Variants in KANK1 observed in about 807,000 individuals in gnomAD.
KANK1 encodes KN motif and ankyrin repeat domains 1.
In KANK1, 109 loss-of-function variants were observed where a neutral mutation model predicts 106.2. That is an observed-to-expected ratio of 1.03 (90% CI 0.88 to 1.20). The LOEUF (loss-of-function observed/expected upper bound fraction) is 1.20. KANK1 is among the 50% of genes most tolerant of loss of function. KANK1 has a pLI of 0.00. For missense variants in KANK1, 2,399 were observed against 1,710.7 expected, an observed-to-expected ratio of 1.40 and a Z score of -7.10; for synonymous variants, 873 against 652.2, an observed-to-expected ratio of 1.34 and a Z score of -5.16.
intron 1 of KANK1, among the ~76,000 whole-genome samples, chr9:514,194 TCCTCCCTCCCTCTCTC>T (rs2059172056): frequency 1.3e-4 from 4 of 30,372 alleles, no homozygotes; most frequent in Admixed American, 2.8e-4. Context: ...CTCCCTCCCT[TCCTCCCTCCCTCTCTC>T]CCTCCCTCCC....
At chr9:691,780 A>AT (rs71314726) in intron 2 of KANK1, among the ~76,000 whole-genome samples, 68,631 of 130,884 alleles carry the variant, frequency 0.52, 18,515 homozygotes, top group South Asian at 0.7. Context: ...CACCTAGCTA[A>AT]TTTTTTTTTT....
intron 1 of KANK1, among the ~76,000 whole-genome samples, chr9:637,139 C>G: frequency 6.6e-6 from 1 of 152,196 alleles, no homozygotes; most frequent in Admixed American, 6.5e-5. Flanking sequence ...CAGAGCCTCT[C>G]CTAGGTAATT....
intron 1 of KANK1, among the ~76,000 whole-genome samples, chr9:654,812 TGTGAGAGAGAGAGAGAGAGAGA>T (rs1381677024): frequency 3.0e-5 from 4 of 134,760 alleles, no homozygotes; most frequent in Non-Finnish European, 5.9e-5. Context: ...TGTGTGTGTG[TGTGAGAGAGAGAGAGAGAGAGA>T]GAGAGAGAGA....
At chr9:575,122 G>A (rs1013549447) in intron 1 of KANK1, among the ~76,000 whole-genome samples, 7 of 152,288 alleles carry the variant, frequency 4.6e-5, no homozygotes, top group African/African-American at 1.7e-4. Context: ...TGTCTTAAAT[G>A]TTCTGACATA....
intron 1 of KANK1, among the ~76,000 whole-genome samples, chr9:671,669 TC>T (rs1815160790): frequency 6.6e-5 from 1 of 15,158 alleles, no homozygotes; most frequent in African/African-American, 1.1e-3. Context: ...CCTGTGTGTC[TC>T]ATGTAAGTAC....
At chr9:529,272 GAC>G (rs1003223115) in intron 1 of KANK1, among the ~76,000 whole-genome samples, 6 of 145,972 alleles carry the variant, frequency 4.1e-5, no homozygotes, top group East Asian at 4.0e-4. Flanking sequence ...CACACACACA[GAC>G]ACACACACAC....
chr9:700,177 C>CT (rs2130162347), intron 2 of KANK1, among the ~76,000 whole-genome samples: 1 of 152,276 alleles, frequency 6.6e-6, no homozygotes, highest in South Asian at 2.1e-4. Flanking sequence ...AAAGAGCAGG[C>CT]TTAAAAACAA....
At chr9:522,607 G>C (rs951809265) in intron 1 of KANK1, among the ~76,000 whole-genome samples, 1 of 151,732 alleles carries the variant, frequency 6.6e-6, no homozygotes, top group South Asian at 2.1e-4. Context: ...ACCCACAGTG[G>C]GGTTGAACTG....
chr9:659,816 C>T (rs541002526), intron 1 of KANK1, among the ~76,000 whole-genome samples: 13 of 152,062 alleles, frequency 8.5e-5, no homozygotes, highest in Non-Finnish European at 1.9e-4. Context: ...GATTATAACT[C>T]ATAAGATTTG....
intron 1 of KANK1, chr9:558,702 G>T (rs1466359305): frequency 6.9e-6 from 1 of 144,848 alleles, no homozygotes; most frequent in Non-Finnish European, 1.5e-5. Context: ...AAAAAAAAAA[G>T]CCCTAAAAAC....
chr9:567,945 TAC>T (rs1818215633), intron 1 of KANK1, among the ~76,000 whole-genome samples: 1 of 152,138 alleles, frequency 6.6e-6, no homozygotes, highest in South Asian at 2.1e-4. Context: ...GGACAAAACT[TAC>T]AGTCTTCCAA....
intron 1 of KANK1, among the ~76,000 whole-genome samples, chr9:564,216 C>T (rs1159450848): frequency 2.0e-5 from 3 of 151,978 alleles, no homozygotes; most frequent in Non-Finnish European, 2.9e-5. Flanking sequence ...CCCGCCACCA[C>T]GCCCGGCTAA....
intron 1 of KANK1, among the ~76,000 whole-genome samples, chr9:657,383 A>G (rs1483233767): frequency 6.8e-6 from 1 of 146,720 alleles, no homozygotes; most frequent in Admixed American, 6.8e-5. Context: ...TTTTGGGCAT[A>G]TACCCAGAAG....
intron 6 of KANK1, chr9:733,885 G>C (rs916626397): frequency 2.0e-5 from 3 of 152,244 alleles, no homozygotes; most frequent in African/African-American, 7.2e-5. Flanking sequence ...GGCTGAGGCA[G>C]GCAGGCAGAT....
Position 531,178 on chromosome 9 carries a change from C to T in KANK1, c.-84+26424C>T, listed in dbSNP as rs541283729. Reference sequence around the variant, plus strand: ...AATTGGCTGGGTGTAGTGGTTCATGCCTATAATCCCAGGACTTTGGGAAGC... The same window carrying T: ...AATTGGCTGGGTGTAGTGGTTCATGTCTATAATCCCAGGACTTTGGGAAGC... On this transcript the variant is annotated intron_variant, in intron 1 of 11. Coordinates refer to ENST00000382297, the MANE Select transcript of KANK1 (RefSeq NM_015158.5). 2.6e-5 allele frequency among the ~76,000 whole-genome samples: 4 copies of T among 152,098 alleles called. No individual in the cohort carries two copies. In the South Asian group the frequency reaches 8.3e-4, roughly 32 times the overall value.
chr9:539,648 G>C (rs1398520028), intron 1 of KANK1: 1 of 152,034 alleles, frequency 6.6e-6, no homozygotes. Context: ...GTACCACCAT[G>C]CCTGGCTGAT....
intron 1 of KANK1, among the ~76,000 whole-genome samples, chr9:524,837 GT>G (rs1263697665): frequency 2.6e-5 from 4 of 151,522 alleles, no homozygotes; most frequent in African/African-American, 9.8e-5. Context: ...TTTGATCAGT[GT>G]TCTGAAATAG....
chr9:522,731 A>G (rs1475903234), intron 1 of KANK1, among the ~76,000 whole-genome samples: 21 of 151,628 alleles, frequency 1.4e-4, no homozygotes, highest in Non-Finnish European at 2.4e-4. Context: ...TTGGTATCTC[A>G]TAGAATTCTG....
At position 740,912 on chromosome 9, in the gene KANK1, A is replaced by G. The variant is rs566834555; in HGVS notation, c.3674A>G (p.Asp1225Gly). The G allele has an allele frequency of 1.9e-6, 3 of 1,614,026 alleles. No individual in the cohort carries two copies. The highest frequency in any genetic ancestry group is 2.2e-5 in the South Asian group (2 of 91,070). The change falls in exon 9 of 12, where the codon GAT becomes GGT. Residue 1225 changes from aspartate (D) to glycine (G), a missense_variant. Transcript: ENST00000382297. ...RIVEELFGCG[D>G]VNAKASQAGQ... ...GTGGAAGAACTCTTCGGCTGTGGGG[A>G]TGTGAATGCCAAAGCTAGTCAGGTT...
Sources: gnomAD v4.1 joint callset for allele counts (sites outside exome capture counted in the v4.1 genomes callset) on GRCh38, gnomAD v4.1.1 for gene constraint, MANE v1.5 for transcripts, NCBI Gene and HGNC (gene_info 2026-07-23, HGNC 2026-07-21) for gene names.